The following NRG3 variants were observed in gnomAD, a reference collection of about 807,000 sequenced individuals.
NRG3 encodes pro-neuregulin-3, membrane-bound isoform.
NRG3 carries 31 observed loss-of-function variants against 66.9 expected under a neutral mutation model. That is an observed-to-expected ratio of 0.46 (90% CI 0.35 to 0.63). The LOEUF (loss-of-function observed/expected upper bound fraction) is 0.63. Among genes scored for constraint, NRG3 ranks in the 20% least tolerant of loss-of-function variants. The probability of loss-of-function intolerance (pLI) is 0.00; values close to 1 mark genes in which losing one functional copy is unlikely to be tolerated. For missense variants in NRG3, 910 were observed against 878.9 expected, an observed-to-expected ratio of 1.04 and a Z score of -0.45; for synonymous variants, 393 against 359.4, an observed-to-expected ratio of 1.09 and a Z score of -1.06.
chr10:81,989,653 C>T (rs1564716609), intron 1 of NRG3, among the ~76,000 whole-genome samples: 2 of 152,098 alleles, frequency 1.3e-5, no homozygotes, highest in African/African-American at 2.4e-5. Context: ...CTTTAGATTA[C>T]TTACTGTCAT....
chr10:82,762,739 A>C (rs1237145477), intron 3 of NRG3, among the ~76,000 whole-genome samples: 1 of 152,186 alleles, frequency 6.6e-6, no homozygotes, highest in Non-Finnish European at 1.5e-5. Context: ...TTGTAGTTAT[A>C]ACACTATATC....
At chr10:82,348,534 C>T (rs1404993562) in intron 1 of NRG3, among the ~76,000 whole-genome samples, 2 of 148,746 alleles carry the variant, frequency 1.3e-5, no homozygotes, top group Non-Finnish European at 3.0e-5. Context: ...GTGAATCTGA[C>T]AATTATGTGT....
intron 3 of NRG3, among the ~76,000 whole-genome samples, chr10:82,769,721 A>G (rs2059644688): frequency 6.6e-6 from 1 of 152,140 alleles, no homozygotes; most frequent in Non-Finnish European, 1.5e-5. Flanking sequence ...TCAAAAAATC[A>G]AGCCTTTCTT....
At position 82,668,498 on chromosome 10, in the gene NRG3, T is replaced by A. The variant is rs540275423; in HGVS notation, c.954-70079T>A. 8.5e-5 allele frequency among the ~76,000 whole-genome samples: 13 copies of A among 152,304 alleles called. No individual in the cohort carries two copies. The East Asian group carries it at 2.3e-3, about 27-fold the overall frequency. ...AGTCATGAGTCTGCATATTATTAGA[T>A]TGGAGTTGTTCCTGCTAGATACAGG... On this transcript the variant is annotated intron_variant, in intron 2 of 8. Coordinates refer to ENST00000372141, the MANE Select transcript of NRG3 (RefSeq NM_001010848.4).
At chr10:82,093,775 A>G (rs11192463) in intron 1 of NRG3, among the ~76,000 whole-genome samples, 4,510 of 152,280 alleles carry the variant, frequency 0.03, 234 homozygotes, top group African/African-American at 0.1. Flanking sequence ...GATTAAATAT[A>G]AGCCTTCCAT....
chr10:82,676,379 G>A (rs1057173160), intron 2 of NRG3, among the ~76,000 whole-genome samples: 4 of 152,132 alleles, frequency 2.6e-5, no homozygotes, highest in African/African-American at 9.7e-5. Context: ...TAACTCTAAA[G>A]GTGAAAGGAC....
intron 1 of NRG3, among the ~76,000 whole-genome samples, chr10:82,149,197 G>T (rs965118966): frequency 3.3e-5 from 5 of 152,004 alleles, no homozygotes; most frequent in African/African-American, 9.7e-5. Flanking sequence ...AATGCAGCTT[G>T]AACCTGAAAG....
intron 2 of NRG3, among the ~76,000 whole-genome samples, chr10:82,508,792 A>G (rs372427127): frequency 2.6e-5 from 4 of 152,312 alleles, no homozygotes; most frequent in Non-Finnish European, 2.9e-5. Context: ...AATCAGTATA[A>G]TAGTCACCCT....
intron 2 of NRG3, among the ~76,000 whole-genome samples, chr10:82,528,812 A>G (rs922183612): frequency 2.0e-5 from 3 of 152,188 alleles, no homozygotes; most frequent in African/African-American, 7.2e-5. Context: ...AAAAAAATCC[A>G]TAGAAAGACT....
chr10:82,534,031 C>CA (rs1215703475), intron 2 of NRG3, among the ~76,000 whole-genome samples: 1 of 152,010 alleles, frequency 6.6e-6, no homozygotes, highest in African/African-American at 2.4e-5. Context: ...TACAATAGCA[C>CA]AAAAATAATA....
intron 1 of NRG3, among the ~76,000 whole-genome samples, chr10:82,008,209 C>T (rs1011068995): frequency 6.6e-6 from 1 of 152,122 alleles, no homozygotes; most frequent in African/African-American, 2.4e-5. Context: ...GTGTAGCATG[C>T]TGTCAGAGTG....
chr10:82,167,647 C>T (rs1007416971), intron 1 of NRG3, among the ~76,000 whole-genome samples: 1 of 152,068 alleles, frequency 6.6e-6, no homozygotes, highest in African/African-American at 2.4e-5. Flanking sequence ...TGGGCTCAGC[C>T]ACAGTTATTT....
intron 2 of NRG3, among the ~76,000 whole-genome samples, chr10:82,598,832 C>A (rs554530366): frequency 1.2e-4 from 19 of 152,126 alleles, no homozygotes; most frequent in Admixed American, 7.2e-4. Context: ...GGCGGATCAC[C>A]TAAGGTCAGG....
chr10:82,875,600 T>C (rs540920), intron 4 of NRG3, among the ~76,000 whole-genome samples: 113,187 of 152,116 alleles, frequency 0.74, 42,663 homozygotes, highest in African/African-American at 0.87. Context: ...TCAAGAGATT[T>C]TCCTACTTCA....
intron 1 of NRG3, among the ~76,000 whole-genome samples, chr10:82,316,697 T>C (rs906496567): frequency 1.3e-5 from 2 of 152,224 alleles, no homozygotes; most frequent in Admixed American, 6.5e-5. Context: ...AAAAAGTGTT[T>C]CTACTTCTAA....
intron 2 of NRG3, among the ~76,000 whole-genome samples, chr10:82,387,499 T>G (rs1193095175): frequency 6.6e-6 from 1 of 152,224 alleles, no homozygotes; most frequent in Non-Finnish European, 1.5e-5. Flanking sequence ...AGAATGCCAG[T>G]GAATGTACCC....
At position 82,394,822 on chromosome 10, in the gene NRG3, C is replaced by A. The variant is rs905130325; in HGVS notation, c.953+35954C>A. Among the ~76,000 whole-genome samples the A allele has an allele frequency of 2.6e-5, 4 of 152,094 alleles. No individual in the cohort carries two copies. The East Asian group carries it at 7.7e-4, about 29-fold the overall frequency. ...GATGAGGACCTGAGGTCCTCTCTCCCACAGCTTTGCAACTGCCAGGTGTTA... is the reference window on the plus strand; with the variant it reads ...GATGAGGACCTGAGGTCCTCTCTCCAACAGCTTTGCAACTGCCAGGTGTTA... On this transcript the variant is annotated intron_variant, in intron 2 of 8. Coordinates refer to ENST00000372141, the MANE Select transcript of NRG3 (RefSeq NM_001010848.4).
intron 2 of NRG3, among the ~76,000 whole-genome samples, chr10:82,452,410 A>G (rs1038772238): frequency 2.8e-4 from 43 of 152,204 alleles, no homozygotes; most frequent in Non-Finnish European, 5.6e-4. Flanking sequence ...AATGTATAGA[A>G]CACAATTTAT....
At chr10:82,064,396 CAA>C (rs1245785216) in intron 1 of NRG3, among the ~76,000 whole-genome samples, 2 of 151,458 alleles carry the variant, frequency 1.3e-5, no homozygotes, top group African/African-American at 4.8e-5. Context: ...TATTATAAAA[CAA>C]TAAAAATCCC....
Sources: gnomAD v4.1 joint callset for allele counts (sites outside exome capture counted in the v4.1 genomes callset) on GRCh38, gnomAD v4.1.1 for gene constraint, MANE v1.5 for transcripts, NCBI Gene and HGNC (gene_info 2026-07-23, HGNC 2026-07-21) for gene names.